The following GPC5 variants were observed in gnomAD, a reference collection of about 807,000 sequenced individuals.
GPC5 encodes glypican-5.
Under a neutral mutation model 53.9 loss-of-function variants are expected in GPC5, and 47 were observed. That is an observed-to-expected ratio of 0.87 (90% CI 0.69 to 1.11). GPC5 has a LOEUF of 1.11. GPC5 is among the 50% of genes most tolerant of loss of function. The pLI, the probability that GPC5 is intolerant of heterozygous loss-of-function variation, is 0.00. For missense variants in GPC5, 748 were observed against 713.1 expected (o/e 1.05, Z -0.56); for synonymous variants, 286 against 263.3 (o/e 1.09, Z -0.84).
intron 7 of GPC5, among the ~76,000 whole-genome samples, chr13:92,718,194 T>C (rs1888392157): frequency 6.6e-6 from 1 of 152,194 alleles, no homozygotes; most frequent in Non-Finnish European, 1.5e-5. Context: ...GCAATCCCAC[T>C]GCTAGGTATA....
At position 92,000,601 on chromosome 13, in the gene GPC5, A is replaced by G. The variant is rs1468757567; in HGVS notation, c.1401+92544A>G. Among the ~76,000 whole-genome samples, 5 of 152,268 alleles carry G rather than the reference A, an allele frequency of 3.3e-5. No homozygotes were observed. In the East Asian group the frequency reaches 5.8e-4, roughly 18 times the overall value. ...GGATGATTTTCCCAATAGAATGTTC[A>G]GCAATTCATTTTTCTTGAAACACAA... On this transcript the variant is annotated intron_variant, in intron 6 of 7. Coordinates refer to ENST00000377067, the MANE Select transcript of GPC5 (RefSeq NM_004466.6).
chr13:92,137,521 A>G (rs1594777811), intron 6 of GPC5, among the ~76,000 whole-genome samples: 2 of 152,360 alleles, frequency 1.3e-5, no homozygotes, highest in East Asian at 3.9e-4. Flanking sequence ...AAAGTTAACT[A>G]ACCATAACTG....
intron 4 of GPC5, among the ~76,000 whole-genome samples, chr13:91,735,898 G>A (rs1300751071): frequency 6.6e-6 from 1 of 151,060 alleles, no homozygotes; most frequent in Non-Finnish European, 1.5e-5. Context: ...CCACATCTAG[G>A]AAAAATGGAA....
chr13:91,500,790 T>A (rs940723045), intron 2 of GPC5, among the ~76,000 whole-genome samples: 4 of 152,208 alleles, frequency 2.6e-5, no homozygotes, highest in African/African-American at 9.6e-5. Flanking sequence ...AAATCTCATC[T>A]TGAACTGTAG....
At chr13:91,916,401 T>A (rs145033815) in intron 6 of GPC5, among the ~76,000 whole-genome samples, 1 of 152,220 alleles carries the variant, frequency 6.6e-6, no homozygotes, top group Non-Finnish European at 1.5e-5. Context: ...TGTTCCTCAA[T>A]TGATGACTAT....
At chr13:92,844,084 T>A (rs576156518) in intron 7 of GPC5, among the ~76,000 whole-genome samples, 1 of 151,928 alleles carries the variant, frequency 6.6e-6, no homozygotes, top group South Asian at 2.1e-4. Context: ...CCAAGGATGA[T>A]GGTGGGGAAA....
At chr13:91,814,543 T>A (rs1025069644) in intron 5 of GPC5, among the ~76,000 whole-genome samples, 12 of 152,048 alleles carry the variant, frequency 7.9e-5, no homozygotes, top group Non-Finnish European at 1.5e-4. Flanking sequence ...ATTTATTTAT[T>A]TATTTATTTA....
chr13:92,557,063 T>G (rs1249520615), intron 7 of GPC5, among the ~76,000 whole-genome samples: 1 of 151,880 alleles, frequency 6.6e-6, no homozygotes, highest in African/African-American at 2.4e-5. Context: ...GATATTCATT[T>G]TTTTTGGTCT....
At chr13:92,471,404 G>A (rs905221551) in intron 7 of GPC5, among the ~76,000 whole-genome samples, 1 of 151,934 alleles carries the variant, frequency 6.6e-6, no homozygotes, top group Non-Finnish European at 1.5e-5. Flanking sequence ...AATACTTTCT[G>A]CACACCAGGA....
rs143261750 is a variant in GPC5, at chr13:92,801,520, T to A, written c.1562-64762T>A. Among the ~76,000 whole-genome samples, 32 of 151,914 alleles carry A rather than the reference T, an allele frequency of 2.1e-4. No homozygotes were observed. In the East Asian group the frequency reaches 4.9e-3, roughly 23 times the overall value. On this transcript the variant is annotated intron_variant, in intron 7 of 7. Coordinates refer to ENST00000377067, the MANE Select transcript of GPC5 (RefSeq NM_004466.6). The stretch of plus-strand genomic sequence containing the variant: ...GATTTGAGTGCTTAATACACTATAC[T>A]TTTTATTGTTATTTTAGAGTGTACT...
At chr13:92,166,952 TCTCTCACACACACA>T (rs1468567372) in intron 7 of GPC5, among the ~76,000 whole-genome samples, 11 of 63,260 alleles carry the variant, frequency 1.7e-4, no homozygotes, top group African/African-American at 2.9e-4. Context: ...TCTCTCTCTC[TCTCTCACACACACA>T]CACACACACA....
intron 7 of GPC5, among the ~76,000 whole-genome samples, chr13:92,861,145 G>A (rs1034632490): frequency 6.6e-6 from 1 of 152,040 alleles, no homozygotes; most frequent in South Asian, 2.1e-4. Flanking sequence ...TCCTTAAAGA[G>A]TTTTAAATAA....
intron 7 of GPC5, among the ~76,000 whole-genome samples, chr13:92,639,120 C>T (rs896013694): frequency 3.3e-5 from 5 of 152,042 alleles, no homozygotes; most frequent in African/African-American, 4.8e-5. Flanking sequence ...TAGTAAAGGG[C>T]TCAGAAATTA....
chr13:91,794,263 G>C (rs964554590), intron 5 of GPC5, among the ~76,000 whole-genome samples: 1 of 152,122 alleles, frequency 6.6e-6, no homozygotes, highest in African/African-American at 2.4e-5. Context: ...AGACAGTAGA[G>C]GGCTGATTTC....
intron 5 of GPC5, among the ~76,000 whole-genome samples, chr13:91,781,707 T>G (rs1333442440): frequency 1.3e-5 from 2 of 152,228 alleles, no homozygotes; most frequent in Non-Finnish European, 2.9e-5. Context: ...GCAGCACTGA[T>G]AAGTCGAATC....
At chr13:91,959,329 A>C (rs935387539) in intron 6 of GPC5, among the ~76,000 whole-genome samples, 1 of 122,364 alleles carries the variant, frequency 8.2e-6, no homozygotes, top group Admixed American at 8.0e-5. Flanking sequence ...ATACATACAA[A>C]CTATTAACAC....
intron 7 of GPC5, among the ~76,000 whole-genome samples, chr13:92,743,854 T>A (rs1889173038): frequency 6.6e-6 from 1 of 152,234 alleles, no homozygotes; most frequent in African/African-American, 2.4e-5. Flanking sequence ...ATGTGGTTTT[T>A]GTCTTTGGTT....
chr13:91,530,883 T>C (rs1210426264), intron 2 of GPC5, among the ~76,000 whole-genome samples: 1 of 152,230 alleles, frequency 6.6e-6, no homozygotes, highest in Non-Finnish European at 1.5e-5. Context: ...TGTTAATTTA[T>C]TATTTTAGCA....
chr13:92,384,414 T>A (rs1312387840), intron 7 of GPC5, among the ~76,000 whole-genome samples: 1 of 152,154 alleles, frequency 6.6e-6, no homozygotes, highest in Non-Finnish European at 1.5e-5. Context: ...AAAAATTCAC[T>A]TTTAAAAAAT....
Sources: allele counts gnomAD v4.1 joint callset (sites outside exome capture counted in the v4.1 genomes callset), GRCh38; gene constraint gnomAD v4.1.1; transcripts MANE v1.5; gene names NCBI Gene and HGNC (gene_info 2026-07-23, HGNC 2026-07-21).